Variants in EPHB1 observed in about 807,000 individuals in gnomAD.
The protein encoded by EPHB1 is EPH receptor B1, also known as ephrin type-B receptor 1.
EPHB1 carries 30 observed loss-of-function variants against 94.4 expected under a neutral mutation model. That is an observed-to-expected ratio of 0.32 (90% CI 0.24 to 0.43). The LOEUF (loss-of-function observed/expected upper bound fraction) is 0.43. EPHB1 is among the 20% of genes least tolerant of loss of function. The probability of loss-of-function intolerance (pLI) is 1.00; values close to 1 mark genes in which losing one functional copy is unlikely to be tolerated. For synonymous variants in EPHB1, 522 were observed against 489.1 expected, an observed-to-expected ratio of 1.07 and a Z score of -0.89; for missense variants, 1,055 against 1,308.3, an observed-to-expected ratio of 0.81 and a Z score of 2.99.
intron 2 of EPHB1, among the ~76,000 whole-genome samples, chr3:134,937,358 G>A (rs192617516): frequency 4.1e-4 from 62 of 152,306 alleles, no homozygotes; most frequent in African/African-American, 1.4e-3. Flanking sequence ...CTCTCTTGAG[G>A]CCAGATGTGG....
At chr3:134,904,787 C>G (rs1456531936) in intron 1 of EPHB1, among the ~76,000 whole-genome samples, 1 of 152,056 alleles carries the variant, frequency 6.6e-6, no homozygotes, top group Non-Finnish European at 1.5e-5. Context: ...TTTAAACATT[C>G]CTTCAAAGTG....
chr3:134,827,560 C>T (rs572642015), intron 1 of EPHB1, among the ~76,000 whole-genome samples: 25 of 152,238 alleles, frequency 1.6e-4, no homozygotes, highest in Non-Finnish European at 2.8e-4. Context: ...GTTGTGACTA[C>T]AGCAGAAACA....
At chr3:134,826,251 C>CAAAAAAA (rs34084951) in intron 1 of EPHB1, among the ~76,000 whole-genome samples, 4,725 of 118,488 alleles carry the variant, frequency 0.04, 157 homozygotes, top group South Asian at 0.14. Context: ...GACTCCATCT[C>CAAAAAAA]AAAAAAAAAA....
At chr3:134,899,721 CT>C (rs2038161426) in intron 1 of EPHB1, among the ~76,000 whole-genome samples, 1 of 152,188 alleles carries the variant, frequency 6.6e-6, no homozygotes, top group Admixed American at 6.5e-5. Flanking sequence ...TGTCACCAGG[CT>C]TGACTGCAAT....
At chr3:135,244,000 C>T (rs1235620463) in intron 13 of EPHB1, among the ~76,000 whole-genome samples, 2 of 152,130 alleles carry the variant, frequency 1.3e-5, no homozygotes, top group African/African-American at 4.8e-5. Context: ...AGGCACTACC[C>T]ACAGCCTGAC....
chr3:134,906,849 A>T (rs2038343514), intron 1 of EPHB1, among the ~76,000 whole-genome samples: 1 of 152,198 alleles, frequency 6.6e-6, no homozygotes, highest in Non-Finnish European at 1.5e-5. Flanking sequence ...ATCACCCCAG[A>T]GGTCTAGGGA....
chr3:134,926,547 TA>T (rs1293748517), intron 2 of EPHB1, among the ~76,000 whole-genome samples: 3 of 152,118 alleles, frequency 2.0e-5, no homozygotes, highest in African/African-American at 7.2e-5. Flanking sequence ...ACGTTCTAAG[TA>T]GGAGGAATGC....
intron 3 of EPHB1, among the ~76,000 whole-genome samples, chr3:135,058,434 C>T (rs1188308843): frequency 6.6e-6 from 1 of 152,118 alleles, no homozygotes; most frequent in Non-Finnish European, 1.5e-5. Flanking sequence ...ACAATAGGGG[C>T]TGTATATCTA....
At chr3:134,845,594 A>G (rs6797353) in intron 1 of EPHB1, among the ~76,000 whole-genome samples, 37,735 of 152,086 alleles carry the variant, frequency 0.25, 5,651 homozygotes, top group African/African-American at 0.42. Context: ...GAGGTCTCTG[A>G]TCCAGGGCAG....
chr3:134,975,864 ATCT>A (rs1185417941), intron 3 of EPHB1, among the ~76,000 whole-genome samples: 3 of 152,126 alleles, frequency 2.0e-5, no homozygotes, highest in Non-Finnish European at 4.4e-5. Flanking sequence ...GCCACATTAA[ATCT>A]TCTGGAGATG....
At chr3:135,214,810 C>T (rs1484297965) in intron 12 of EPHB1, among the ~76,000 whole-genome samples, 3 of 152,166 alleles carry the variant, frequency 2.0e-5, no homozygotes, top group African/African-American at 4.8e-5. Flanking sequence ...CCCAATTGAT[C>T]CCTGTGTTCA....
intron 5 of EPHB1, among the ~76,000 whole-genome samples, chr3:135,135,661 C>G (rs1940595225): frequency 6.6e-6 from 1 of 152,202 alleles, no homozygotes. Flanking sequence ...TCTTCCTCCC[C>G]TGGCTTCATG....
At chr3:135,107,140 T>C (rs955854368) in intron 4 of EPHB1, among the ~76,000 whole-genome samples, 1 of 152,214 alleles carries the variant, frequency 6.6e-6, no homozygotes, top group Non-Finnish European at 1.5e-5. Context: ...CCCAGCCTGA[T>C]GTAGCATTTG....
In EPHB1 at chr3:135,259,825, A is replaced by C. The variant is rs191915183; in HGVS notation, c.*705A>C. ...CACAAATTGGGGAAAAAAAAAGAAG[A>C]AAAACCTGTTTCCGTGTGCAAAAGC... On this transcript the variant is annotated 3_prime_UTR_variant, in exon 16 of 16. Transcript: ENST00000398015. 2 of 221,844 alleles carry C rather than the reference A, an allele frequency of 9.0e-6. No individual in the cohort carries two copies. Among genetic ancestry groups the C allele is most frequent in the African/African-American group, 4.5e-5 (2 of 44,698 alleles). The allele number at this position is 221,844 out of a possible 1,614,324, so 13.7% of individuals were successfully genotyped here. A position where few individuals can be genotyped will look rare whatever the true frequency, so the allele number is the denominator to read the frequency against.
rs1434127518 is a variant in EPHB1 at position 134,955,478 on chromosome 3, G to A, written c.805+3426G>A. ...CTGCATAGTATTCCATGGTGTATAT[G>A]TGCCACATTTTCTTAATCCAGTCTA... On this transcript the variant is annotated intron_variant, in intron 3 of 15. Coordinates refer to ENST00000398015, the MANE Select transcript of EPHB1 (RefSeq NM_004441.5). 1.3e-4 allele frequency among the ~76,000 whole-genome samples: 13 copies of A among 98,212 alleles called. 5 individuals are homozygous for A. The highest frequency in any genetic ancestry group is 2.2e-4 in the East Asian group (1 of 4,558). The allele number at this position is 98,212 out of a possible 152,430, so 64.4% of individuals were successfully genotyped here. A position where few individuals can be genotyped will look rare whatever the true frequency, so the allele number is the denominator to read the frequency against.
chr3:135,030,693 C>A (rs1306803414), intron 3 of EPHB1, among the ~76,000 whole-genome samples: 1 of 152,218 alleles, frequency 6.6e-6, no homozygotes, highest in African/African-American at 2.4e-5. Flanking sequence ...CTGTGCCCTG[C>A]CCCCAGAGGT....
intron 7 of EPHB1, among the ~76,000 whole-genome samples, chr3:135,163,126 C>T (rs1407959906): frequency 6.6e-6 from 1 of 152,150 alleles, no homozygotes; most frequent in East Asian, 1.9e-4. Flanking sequence ...GGCCAATGCT[C>T]TCAGTCTGGG....
At chr3:134,978,146 A>T (rs1215417720) in intron 3 of EPHB1, 1 of 348,980 alleles carries the variant, frequency 2.9e-6, no homozygotes, top group Non-Finnish European at 5.5e-6. Flanking sequence ...GAAGCCCTCC[A>T]CTCCTGCAAT....
intron 4 of EPHB1, among the ~76,000 whole-genome samples, chr3:135,126,616 G>A (rs1479191244): frequency 7.2e-5 from 11 of 152,166 alleles, no homozygotes; most frequent in Non-Finnish European, 1.2e-4. Flanking sequence ...TGCTTGCTGG[G>A]GCTAGGTGGC....
Sources: allele counts gnomAD v4.1 joint callset (sites outside exome capture counted in the v4.1 genomes callset), GRCh38; gene constraint gnomAD v4.1.1; transcripts MANE v1.5; gene names NCBI Gene and HGNC (gene_info 2026-07-23, HGNC 2026-07-21).